The following STK32B variants were observed in gnomAD, a reference collection of about 807,000 sequenced individuals.
The protein encoded by STK32B is serine/threonine-protein kinase 32B.
A neutral mutation model predicts 52.6 loss-of-function variants in STK32B; 43 were observed. The observed-to-expected ratio is 0.82, with a 90% CI of 0.64 to 1.05. The LOEUF (loss-of-function observed/expected upper bound fraction) is 1.05, where lower values mean the gene tolerates loss of function less well. Ranked by LOEUF, STK32B falls within the 50% of genes least tolerant of loss-of-function variation. The pLI, the probability that STK32B is intolerant of heterozygous loss-of-function variation, is 0.00. For synonymous variants in STK32B, 238 were observed against 204.3 expected, an observed-to-expected ratio of 1.17 and a Z score of -1.41; for missense variants, 621 against 534.6, an observed-to-expected ratio of 1.16 and a Z score of -1.59.
chr4:5,381,347 A>G (rs34225504), intron 4 of STK32B, among the ~76,000 whole-genome samples: 39,514 of 152,180 alleles, frequency 0.26, 6,248 homozygotes, highest in African/African-American at 0.45. Context: ...TAAGAGACAG[A>G]GCCAGGCTTA....
At position 5,416,340 on chromosome 4, in the gene STK32B, T is replaced by C. The variant is rs373973230; in HGVS notation, c.473-505T>C. Among the ~76,000 whole-genome samples, 9 of 152,250 alleles carry C rather than the reference T, an allele frequency of 5.9e-5. No individual in the cohort carries two copies. The East Asian group carries it at 7.7e-4, about 13-fold the overall frequency. The stretch of plus-strand genomic sequence containing the variant: ...ATCCATGCCCATCTGCTGCCATCAC[T>C]TCATCCTGGATGGAAGGTGGTCTCA... On this transcript the variant is annotated intron_variant, in intron 5 of 11. Transcript: ENST00000282908.
In STK32B at chr4:5,371,715, C is replaced by A. The variant is rs1193025341; in HGVS notation, c.435-26492C>A. On this transcript the variant is annotated intron_variant, in intron 4 of 11. Transcript: ENST00000282908. Reference sequence around the variant, plus strand: ...CCACAGGGTCTTTGTCAAAATTACTCAACCCTGCCACTGCAACAAGAAAGC... The same window carrying A: ...CCACAGGGTCTTTGTCAAAATTACTAAACCCTGCCACTGCAACAAGAAAGC... 2.0e-5 allele frequency among the ~76,000 whole-genome samples: 3 copies of A among 152,216 alleles called. No individual in the cohort carries two copies. In the East Asian group the frequency reaches 5.8e-4, roughly 29 times the overall value.
intron 4 of STK32B, among the ~76,000 whole-genome samples, chr4:5,372,145 C>A (rs192060985): frequency 6.6e-6 from 1 of 152,180 alleles, no homozygotes; most frequent in African/African-American, 2.4e-5. Context: ...AGAATGCATA[C>A]CTGCAGTCAG....
At chr4:5,316,882 T>A (rs1304998197) in intron 3 of STK32B, among the ~76,000 whole-genome samples, 1 of 4,958 alleles carries the variant, frequency 2.0e-4, no homozygotes, top group African/African-American at 3.0e-3. Flanking sequence ...ATATAATATA[T>A]TATATATATT....
At chr4:5,476,412 G>C (rs1248960947) in intron 11 of STK32B, among the ~76,000 whole-genome samples, 2 of 152,156 alleles carry the variant, frequency 1.3e-5, no homozygotes, top group Non-Finnish European at 2.9e-5. Flanking sequence ...TGAAGTAAAG[G>C]AGTGGTACTG....
At chr4:5,276,109 A>G (rs904126913) in intron 3 of STK32B, among the ~76,000 whole-genome samples, 1 of 151,930 alleles carries the variant, frequency 6.6e-6, no homozygotes, top group East Asian at 1.9e-4. Context: ...GCCAACTTGG[A>G]AAAACCCCAT....
At chr4:5,258,427 G>A (rs1003407161) in intron 3 of STK32B, among the ~76,000 whole-genome samples, 1 of 152,130 alleles carries the variant, frequency 6.6e-6, no homozygotes. Context: ...GCTGGTGAAT[G>A]TTCATTTCAT....
intron 1 of STK32B, among the ~76,000 whole-genome samples, chr4:5,081,655 G>C (rs1712436476): frequency 6.6e-6 from 1 of 151,856 alleles, no homozygotes; most frequent in East Asian, 1.9e-4. Flanking sequence ...TCTTGATCAA[G>C]TTAGCTGTTG....
intron 3 of STK32B, among the ~76,000 whole-genome samples, chr4:5,193,163 C>G (rs960735642): frequency 3.3e-5 from 5 of 152,050 alleles, no homozygotes; most frequent in Non-Finnish European, 5.9e-5. Context: ...GGGCCACTGT[C>G]CTCTCGTGCC....
intron 3 of STK32B, among the ~76,000 whole-genome samples, chr4:5,316,217 A>ACAATATT (rs1422969874): frequency 1.4e-5 from 1 of 70,282 alleles, no homozygotes; most frequent in African/African-American, 1.1e-4. Context: ...TATATTACAT[A>ACAATATT]ATATATTATA....
chr4:5,183,205 T>A (rs1228621774), intron 3 of STK32B, among the ~76,000 whole-genome samples: 1 of 152,088 alleles, frequency 6.6e-6, no homozygotes, highest in East Asian at 1.9e-4. Context: ...TGGCCGGGCA[T>A]GGTGGCTCAC....
At chr4:5,105,780 G>A (rs1315129187) in intron 1 of STK32B, among the ~76,000 whole-genome samples, 1 of 151,726 alleles carries the variant, frequency 6.6e-6, no homozygotes, top group Non-Finnish European at 1.5e-5. Flanking sequence ...AGCCAGGATG[G>A]TCTCGATCTC....
chr4:5,174,439 C>G (rs1719656092), intron 3 of STK32B, among the ~76,000 whole-genome samples: 2 of 152,210 alleles, frequency 1.3e-5, no homozygotes, highest in South Asian at 4.1e-4. Context: ...GTGGCTGATA[C>G]CGGTTGTTCT....
At chr4:5,422,257 G>A (rs772685682) in intron 6 of STK32B, among the ~76,000 whole-genome samples, 2 of 152,214 alleles carry the variant, frequency 1.3e-5, no homozygotes, top group Non-Finnish European at 2.9e-5. Flanking sequence ...TTAAGGGAGA[G>A]CTCTCTCAAT....
intron 3 of STK32B, among the ~76,000 whole-genome samples, chr4:5,263,943 T>C (rs969020682): frequency 1.3e-5 from 2 of 152,250 alleles, no homozygotes; most frequent in Non-Finnish European, 2.9e-5. Context: ...CTGGCTTCTT[T>C]CACAAGCATA....
At chr4:5,158,604 C>T (rs1057421829) in intron 2 of STK32B, among the ~76,000 whole-genome samples, 2 of 152,210 alleles carry the variant, frequency 1.3e-5, no homozygotes, top group Non-Finnish European at 2.9e-5. Context: ...GCTGCCACAA[C>T]AAAGCACTGC....
At chr4:5,402,605 C>A (rs751094360) in intron 5 of STK32B, among the ~76,000 whole-genome samples, 1 of 152,092 alleles carries the variant, frequency 6.6e-6, no homozygotes, top group Non-Finnish European at 1.5e-5. Flanking sequence ...GGTGACTGTT[C>A]TCTGTCCTGG....
intron 3 of STK32B, among the ~76,000 whole-genome samples, chr4:5,224,405 T>A (rs1415887903): frequency 6.6e-6 from 1 of 152,190 alleles, no homozygotes; most frequent in Non-Finnish European, 1.5e-5. Flanking sequence ...GTTTGATGCA[T>A]AAAAAGCTGG....
chr4:5,121,158 A>G (rs1382097997), intron 1 of STK32B, among the ~76,000 whole-genome samples: 2 of 152,178 alleles, frequency 1.3e-5, no homozygotes, highest in Non-Finnish European at 2.9e-5. Context: ...GCTCCCATTT[A>G]TAGGTGAGAA....
Sources: allele counts gnomAD v4.1 joint callset (sites outside exome capture counted in the v4.1 genomes callset), GRCh38; gene constraint gnomAD v4.1.1; transcripts MANE v1.5; gene names NCBI Gene and HGNC (gene_info 2026-07-23, HGNC 2026-07-21).